LRRC69: variants seen among roughly 807,000 people sequenced by gnomAD.
LRRC69 encodes the protein leucine-rich repeat-containing protein 69.
In LRRC69, 42 loss-of-function variants were observed where a neutral mutation model predicts 37.8. The ratio of observed to expected loss-of-function variants is 1.11; its 90% CI spans 0.87 to 1.44. LRRC69 has a LOEUF of 1.44. LRRC69 is among the 40% of genes most tolerant of loss of function. LRRC69 has a pLI of 0.00. For synonymous variants in LRRC69, 141 were observed against 143.1 expected (o/e 0.99, Z 0.11); for missense variants, 357 against 401.9 (o/e 0.89, Z 0.96).
chr8:91,215,697 T>C (rs965265847), intron 7 of LRRC69, among the ~76,000 whole-genome samples: 33 of 152,312 alleles, frequency 2.2e-4, no homozygotes, highest in Admixed American at 1.8e-3. Flanking sequence ...TTCACTGACC[T>C]TGGCTTGACA....
intron 5 of LRRC69, among the ~76,000 whole-genome samples, chr8:91,168,359 ACCC>A (rs1177694400): frequency 6.6e-6 from 1 of 151,150 alleles, no homozygotes; most frequent in Non-Finnish European, 1.5e-5. Context: ...AGCTGCTGAC[ACCC>A]CCATCTCCAG....
intron 5 of LRRC69, among the ~76,000 whole-genome samples, chr8:91,172,090 A>C (rs560899746): frequency 6.6e-6 from 1 of 151,986 alleles, no homozygotes; most frequent in East Asian, 1.9e-4. Flanking sequence ...CATGGTTTAG[A>C]GTATTTTCCT....
At chr8:91,190,580 A>G (rs1422141356) in intron 6 of LRRC69, among the ~76,000 whole-genome samples, 4 of 152,184 alleles carry the variant, frequency 2.6e-5, no homozygotes, top group Non-Finnish European at 5.9e-5. Flanking sequence ...TTGTTTTTCC[A>G]CTCAATTATT....
At chr8:91,168,288 G>A (rs1407650558) in intron 5 of LRRC69, among the ~76,000 whole-genome samples, 3 of 151,926 alleles carry the variant, frequency 2.0e-5, no homozygotes, top group South Asian at 2.1e-4. Flanking sequence ...CTGAGGGGCC[G>A]AAAGATGACC....
intron 6 of LRRC69, among the ~76,000 whole-genome samples, chr8:91,191,800 T>C (rs1339903101): frequency 1.3e-5 from 2 of 152,176 alleles, no homozygotes; most frequent in Admixed American, 1.3e-4. Flanking sequence ...GAAATTGTTC[T>C]AATTTTCAGA....
intron 7 of LRRC69, chr8:91,206,926 C>A: frequency 1.9e-6 from 2 of 1,041,688 alleles, no homozygotes; most frequent in Non-Finnish European, 2.5e-6. Context: ...GATCCTTAAC[C>A]AGAGAGTCTG....
intron 7 of LRRC69, chr8:91,206,840 A>G: frequency 7.8e-7 from 1 of 1,288,266 alleles, no homozygotes; most frequent in Non-Finnish European, 1.0e-6. Flanking sequence ...AGGCAAGGAG[A>G]AACCAAGTAA....
At chr8:91,191,916 A>C (rs1053474003) in intron 6 of LRRC69, among the ~76,000 whole-genome samples, 1 of 151,974 alleles carries the variant, frequency 6.6e-6, no homozygotes, top group Non-Finnish European at 1.5e-5. Context: ...ACATATGCAC[A>C]CATGTGCCAT....
chr8:91,154,355 G>T (rs77012641), intron 5 of LRRC69, among the ~76,000 whole-genome samples: 2 of 151,756 alleles, frequency 1.3e-5, no homozygotes, highest in Non-Finnish European at 2.9e-5. Context: ...TTCAAAAGGA[G>T]ACACTCCTCC....
chr8:91,185,354 T>G (rs1334148753), intron 5 of LRRC69, among the ~76,000 whole-genome samples: 1 of 128,708 alleles, frequency 7.8e-6, no homozygotes, highest in Non-Finnish European at 1.7e-5. Context: ...TGTCTCTCTC[T>G]CTCTCTATCT....
intron 5 of LRRC69, chr8:91,157,701 A>G (rs111786436): frequency 6.2e-7 from 1 of 1,600,792 alleles, no homozygotes; most frequent in Admixed American, 1.7e-5. Flanking sequence ...GGCGGCATGA[A>G]GCAAAAATAT....
chr8:91,111,051 A>G (rs1182209975), intron 1 of LRRC69, among the ~76,000 whole-genome samples: 1 of 152,096 alleles, frequency 6.6e-6, no homozygotes, highest in Admixed American at 6.6e-5. Context: ...AGCAACTATT[A>G]TATTCCAGAT....
At chr8:91,120,002 A>G (rs1411122429) in intron 1 of LRRC69, among the ~76,000 whole-genome samples, 3 of 152,000 alleles carry the variant, frequency 2.0e-5, no homozygotes, top group Non-Finnish European at 2.9e-5. Flanking sequence ...CCATCAGCAC[A>G]TAAATAAGCT....
intron 7 of LRRC69, among the ~76,000 whole-genome samples, chr8:91,204,051 G>A (rs895250344): frequency 6.6e-6 from 1 of 151,304 alleles, no homozygotes; most frequent in African/African-American, 2.4e-5. Context: ...GAACCCAGGA[G>A]GAGCAGCTTG....
intron 5 of LRRC69, among the ~76,000 whole-genome samples, chr8:91,176,134 A>ATATATATATATATATTTT: frequency 4.0e-5 from 3 of 75,694 alleles, no homozygotes; most frequent in African/African-American, 1.8e-4. Flanking sequence ...ATATATATAT[A>ATATATATATATATATTTT]TTTTTTTTTT....
chr8:91,213,150 G>T (rs1394057142), intron 7 of LRRC69, among the ~76,000 whole-genome samples: 3 of 152,136 alleles, frequency 2.0e-5, no homozygotes, highest in South Asian at 2.1e-4. Context: ...TATGCAGGGG[G>T]TGCTGTGGGA....
intron 5 of LRRC69, among the ~76,000 whole-genome samples, chr8:91,150,179 G>C (rs1445152949): frequency 1.3e-5 from 2 of 151,950 alleles, no homozygotes; most frequent in Non-Finnish European, 2.9e-5. Flanking sequence ...CAAATGGAAT[G>C]CTTCCAGTTT....
At chr8:91,146,993 G>A (rs967988849) in intron 5 of LRRC69, among the ~76,000 whole-genome samples, 1 of 151,568 alleles carries the variant, frequency 6.6e-6, no homozygotes, top group East Asian at 1.9e-4. Flanking sequence ...TCCATGTTGA[G>A]ATTGAGAAAC....
In LRRC69 at chr8:91,188,835, GT is replaced by G. The variant is rs575348391; in HGVS notation, c.652-672del. ...GTGAACTGTATATCTTCCGTCTTCT[GT>G]TTTTTTTTTTTTTTCCCCTCACTCT... On this transcript the variant is annotated intron_variant, in intron 5 of 7. Coordinates refer to ENST00000448384, the Ensembl canonical transcript of LRRC69. 3.8e-3 allele frequency among the ~76,000 whole-genome samples: 532 copies of G among 139,148 alleles called. 1 individual carries two copies. Among genetic ancestry groups the G allele is most frequent in the South Asian group, 0.011 (48 of 4,358 alleles). 91.3% of individuals were successfully genotyped at this position (139,148 alleles called of 152,430 possible). A position where few individuals can be genotyped will look rare whatever the true frequency, so the allele number is the denominator to read the frequency against.
Sources: allele counts gnomAD v4.1 joint callset (sites outside exome capture counted in the v4.1 genomes callset), GRCh38; gene constraint gnomAD v4.1.1; transcripts MANE v1.5; gene names NCBI Gene and HGNC (gene_info 2026-07-23, HGNC 2026-07-21).